The following UTRN variants were observed in gnomAD, a reference collection of about 807,000 sequenced individuals.
UTRN encodes the protein utrophin, also known as dystrophin-related protein 1.
A neutral mutation model predicts 463.9 loss-of-function variants in UTRN; 283 were observed. The ratio of observed to expected loss-of-function variants is 0.61; its 90% CI spans 0.55 to 0.67. The LOEUF (loss-of-function observed/expected upper bound fraction) is 0.67, where lower values mean the gene tolerates loss of function less well. UTRN is among the 30% of genes least tolerant of loss of function. The pLI is 0.00. For synonymous variants in UTRN, 1,442 were observed against 1,431.5 expected (o/e 1.01, Z -0.17); for missense variants, 3,922 against 4,084.3 (o/e 0.96, Z 1.08).
intron 50 of UTRN, among the ~76,000 whole-genome samples, chr6:144,566,213 G>A (rs77119056): frequency 0.19 from 28,484 of 152,014 alleles, 2,792 homozygotes; most frequent in South Asian, 0.31. Flanking sequence ...ATGATCTATC[G>A]AGCACATTGT....
intron 61 of UTRN, among the ~76,000 whole-genome samples, chr6:144,787,712 T>G (rs1004121717): frequency 7.2e-5 from 11 of 152,176 alleles, no homozygotes; most frequent in Non-Finnish European, 1.2e-4. Context: ...GCAAGAAGAC[T>G]GCTTAAAATT....
intron 59 of UTRN, among the ~76,000 whole-genome samples, chr6:144,773,549 T>G (rs893755314): frequency 6.6e-6 from 1 of 152,176 alleles, no homozygotes; most frequent in Non-Finnish European, 1.5e-5. Context: ...CACAAGAAAT[T>G]TACTTAATCA....
intron 54 of UTRN, among the ~76,000 whole-genome samples, chr6:144,746,149 C>T (rs951768458): frequency 6.6e-5 from 10 of 151,802 alleles, no homozygotes; most frequent in Admixed American, 3.3e-4. Context: ...TACAGGCATG[C>T]GCTACCATAC....
intron 55 of UTRN, among the ~76,000 whole-genome samples, chr6:144,750,075 G>A (rs1791211628): frequency 1.3e-5 from 2 of 152,128 alleles, no homozygotes; most frequent in Admixed American, 1.3e-4. Context: ...AAGAAACCTT[G>A]AAGGATTTGA....
intron 17 of UTRN, among the ~76,000 whole-genome samples, chr6:144,450,939 T>C (rs569903393): frequency 8.5e-5 from 13 of 152,104 alleles, no homozygotes; most frequent in African/African-American, 2.9e-4. Flanking sequence ...ATGGTGAAAC[T>C]CTGTCTCTAC....
chr6:144,799,394 A>G, intron 64 of UTRN: 1 of 470,094 alleles, frequency 2.1e-6, no homozygotes, highest in Non-Finnish European at 4.4e-6. Context: ...AAGTAGAGTG[A>G]GCATTAGCCT....
At chr6:144,413,168 C>G (rs977531103) in intron 3 of UTRN, among the ~76,000 whole-genome samples, 1 of 152,118 alleles carries the variant, frequency 6.6e-6, no homozygotes, top group Non-Finnish European at 1.5e-5. Context: ...TCATGTGTCA[C>G]ATAAGGATGT....
chr6:144,421,494 C>G (rs914481236), intron 3 of UTRN, among the ~76,000 whole-genome samples: 16 of 151,910 alleles, frequency 1.1e-4, no homozygotes, highest in Middle Eastern at 3.4e-3. Context: ...TCGAGACCAT[C>G]CTGGCTAACA....
chr6:144,354,336 A>T (rs1778369533), intron 2 of UTRN, among the ~76,000 whole-genome samples: 1 of 152,230 alleles, frequency 6.6e-6, no homozygotes, highest in South Asian at 2.1e-4. Context: ...TTTGCTACTC[A>T]AGTAGACTAA....
At chr6:144,838,383 C>T (rs1032270617) in intron 71 of UTRN, among the ~76,000 whole-genome samples, 7 of 148,628 alleles carry the variant, frequency 4.7e-5, no homozygotes, top group African/African-American at 1.3e-4. Flanking sequence ...GAAAATTCAA[C>T]TCTAATAGTA....
At chr6:144,484,535 C>G (rs571704040) in intron 27 of UTRN, among the ~76,000 whole-genome samples, 11 of 149,382 alleles carry the variant, frequency 7.4e-5, no homozygotes, top group East Asian at 4.0e-4. Context: ...CTCTGCCTCC[C>G]AGGTTCAAGT....
intron 51 of UTRN, among the ~76,000 whole-genome samples, chr6:144,677,272 C>T (rs1781719213): frequency 6.6e-6 from 1 of 152,044 alleles, no homozygotes; most frequent in Non-Finnish European, 1.5e-5. Flanking sequence ...TCCTTTCGCC[C>T]TACCCCCCGA....
chr6:144,701,554 C>T (rs748495446), intron 53 of UTRN, among the ~76,000 whole-genome samples: 4 of 152,108 alleles, frequency 2.6e-5, no homozygotes, highest in Non-Finnish European at 5.9e-5. Flanking sequence ...GTTCACTTTC[C>T]ATTGATTTCT....
At chr6:144,298,266 G>A (rs1804912525) in intron 2 of UTRN, among the ~76,000 whole-genome samples, 1 of 152,098 alleles carries the variant, frequency 6.6e-6, no homozygotes, top group East Asian at 1.9e-4. Flanking sequence ...ACTTACTCTC[G>A]AGATGATGGC....
intron 53 of UTRN, among the ~76,000 whole-genome samples, chr6:144,722,143 T>G (rs1586213161): frequency 6.6e-6 from 1 of 152,168 alleles, no homozygotes; most frequent in African/African-American, 2.4e-5. Flanking sequence ...CTAACTTCCT[T>G]GATAGAAAAC....
At chr6:144,397,435 C>T (rs58683489) in intron 2 of UTRN, among the ~76,000 whole-genome samples, 1,550 of 152,040 alleles carry the variant, frequency 0.01, 31 homozygotes, top group African/African-American at 0.036. Context: ...CAGATAATCT[C>T]GATTTTATTA....
At chr6:144,792,883 A>G (rs1374319989) in intron 62 of UTRN, among the ~76,000 whole-genome samples, 1 of 152,172 alleles carries the variant, frequency 6.6e-6, no homozygotes, top group Admixed American at 6.5e-5. Context: ...AGGTAAACCA[A>G]GAGTGGACAA....
At chr6:144,763,720 G>C (rs989752632) in intron 58 of UTRN, among the ~76,000 whole-genome samples, 2 of 152,204 alleles carry the variant, frequency 1.3e-5, no homozygotes, top group Admixed American at 1.3e-4. Flanking sequence ...AGCTAACAAA[G>C]TGTGTGTAAC....
At chr6:144,413,959 A>G (rs185586191) in intron 3 of UTRN, among the ~76,000 whole-genome samples, 38 of 152,102 alleles carry the variant, frequency 2.5e-4, no homozygotes, top group South Asian at 6.2e-4. Flanking sequence ...ATGTGCCACC[A>G]CGACTGGCTA....
Sources: allele counts gnomAD v4.1 joint callset (sites outside exome capture counted in the v4.1 genomes callset), GRCh38; gene constraint gnomAD v4.1.1; transcripts MANE v1.5; gene names NCBI Gene and HGNC (gene_info 2026-07-23, HGNC 2026-07-21).